The following HGSNAT variants were observed in gnomAD, a reference collection of about 807,000 sequenced individuals.
The protein encoded by HGSNAT is transmembrane protein 76.
HGSNAT carries 59 observed loss-of-function variants against 85.2 expected under a neutral mutation model. The ratio of observed to expected loss-of-function variants is 0.69; its 90% CI spans 0.56 to 0.86. The LOEUF is 0.86. Among genes scored for constraint, HGSNAT ranks in the 40% least tolerant of loss-of-function variants. The pLI, the probability that HGSNAT is intolerant of heterozygous loss-of-function variation, is 0.00. For synonymous variants in HGSNAT, 321 were observed against 304.5 expected, an observed-to-expected ratio of 1.05 and a Z score of -0.56; for missense variants, 756 against 777.1, an observed-to-expected ratio of 0.97 and a Z score of 0.32.
rs779441738 is a variant in HGSNAT, at chr8:43,178,212, T to C, written c.990T>C (p.Asn330=). Residue 330 remains asparagine (N), a synonymous_variant, in exon 10 of 18, where the codon AAT becomes AAC. Transcript: ENST00000379644. ...LLICIGIIIV[N]PNYCLGPLSW... is the part of the protein sequence containing the mutation. ...TCTGCATAGGAATTATCATTGTGAA[T>C]CCCAATTATTGCCTTGGTCCATGTA... 1.3e-6 allele frequency: 2 copies of C among 1,551,788 alleles called. No homozygotes were observed. Among genetic ancestry groups the C allele is most frequent in the East Asian group, 4.5e-5 (2 of 44,182 alleles).
At chr8:43,141,020 C>T (rs2130651780) in intron 1 of HGSNAT, among the ~76,000 whole-genome samples, 1 of 152,346 alleles carries the variant, frequency 6.6e-6, no homozygotes, top group African/African-American at 2.4e-5. Flanking sequence ...ACCCAGTCCA[C>T]TGTTCGGAGG....
chr8:43,149,745 A>G (rs1055524441), intron 2 of HGSNAT, among the ~76,000 whole-genome samples: 8 of 152,192 alleles, frequency 5.3e-5, no homozygotes, highest in South Asian at 2.1e-4. Context: ...GATGTAGATT[A>G]TAGGAGACAC....
At chr8:43,160,508 G>A (rs1315371191) in intron 4 of HGSNAT, among the ~76,000 whole-genome samples, 1 of 152,072 alleles carries the variant, frequency 6.6e-6, no homozygotes, top group Non-Finnish European at 1.5e-5. Context: ...ATAACAAAAG[G>A]CCCATTTCAA....
rs1387365931 is a variant in HGSNAT at position 43,140,503 on chromosome 8, G to A, written c.7G>A (p.Gly3Arg). The A allele has an allele frequency of 3.8e-6, 4 of 1,044,524 alleles. No individual in the cohort carries two copies. The highest frequency in any genetic ancestry group is 4.6e-6 in the Non-Finnish European group (4 of 870,414). 64.7% of individuals were successfully genotyped at this position (1,044,524 alleles called of 1,614,324 possible). The change falls in exon 1 of 18, where the codon GGG becomes AGG. Residue 3 changes from glycine to arginine, a missense_variant. Gly to Arg is a moderately radical substitution (Grantham distance 125, BLOSUM62 -2). Transcript: ENST00000379644. The part of the protein sequence containing the change: MS[G>R]AGRALAALLL... ...GGCCGAGCGGGCGGCGGGCATGAGC[G>A]GGGCGGGCAGGGCGCTGGCCGCGCT...
intron 11 of HGSNAT, among the ~76,000 whole-genome samples, chr8:43,183,270 G>A (rs770687892): frequency 1.3e-5 from 2 of 151,836 alleles, no homozygotes; most frequent in Non-Finnish European, 2.9e-5. Flanking sequence ...AGGCTCAAGC[G>A]ATTCTCCTAC....
At chr8:43,191,998 G>A (rs1197400005) in intron 12 of HGSNAT, among the ~76,000 whole-genome samples, 1 of 151,894 alleles carries the variant, frequency 6.6e-6, no homozygotes, top group Non-Finnish European at 1.5e-5. Flanking sequence ...GCATGAACTC[G>A]GCTCACTGCA....
chr8:43,195,661 AG>A (rs1804695260), intron 14 of HGSNAT, among the ~76,000 whole-genome samples: 1 of 139,298 alleles, frequency 7.2e-6, no homozygotes, highest in Admixed American at 7.2e-5. Flanking sequence ...GGGCTGGAGG[AG>A]GAGGAGGGTG....
At position 43,196,414 on chromosome 8, in the gene HGSNAT, C is replaced by T. The variant is rs147418323; in HGVS notation, c.1465-534C>T. ...CCCTGCCTCTGGTTCCACCCTGTCC[C>T]GGTCCCTCTTCCTAGTGCTGCCCAG... On this transcript the variant is annotated intron_variant, in intron 14 of 17. Transcript: ENST00000379644. 1,141 of 1,277,172 alleles carry T rather than the reference C, an allele frequency of 8.9e-4. 7 individuals carry two copies. In the African/African-American group the frequency reaches 0.015, roughly 16 times the overall value. The allele number at this position is 1,277,172 out of a possible 1,614,324, so 79.1% of individuals were successfully genotyped here.
intron 1 of HGSNAT, among the ~76,000 whole-genome samples, chr8:43,142,133 C>G (rs553586173): frequency 8.6e-5 from 13 of 152,024 alleles, no homozygotes; most frequent in African/African-American, 3.1e-4. Context: ...AACTCACGAG[C>G]AGAGAGCTAG....
chr8:43,193,775 G>C lies in HGSNAT; in HGVS notation c.1396G>C (p.Val466Leu). ...TGTTAAGGTACTTTACCACACCGAG[G>C]TGGCCTATGACCCCGAGGGCATCCT... Reference protein sequence around the residue: ...PSSAVLYHTEVAYDPEGILGT... With the variant: ...PSSAVLYHTELAYDPEGILGT... The change falls in exon 14 of 18, where the codon GTG becomes CTG. Residue 466 changes from valine (V) to leucine (L), a missense_variant. Transcript: ENST00000379644. 6.2e-7 allele frequency: 1 copy of C among 1,613,480 alleles called. No individual in the cohort carries two copies. Among genetic ancestry groups the C allele is most frequent in the South Asian group, 1.1e-5 (1 of 91,016 alleles).
At chr8:43,197,146 T>G in intron 15 of HGSNAT, 121 bp downstream of exon 15, 1 of 686,346 alleles carries the variant, frequency 1.5e-6, no homozygotes, top group Admixed American at 2.3e-5. Context: ...AGGTACCATT[T>G]TCTTCACTTG....
Position 43,166,064 on chromosome 8 carries a change from C to T in HGSNAT, c.564-3109C>T, listed in dbSNP as rs558375894. The stretch of plus-strand genomic sequence containing the variant: ...AGCCTAATCCAGAGCAAGGCCCTAG[C>T]TCTTTTCAGTTCTGTAGAGACTAAG... On this transcript the variant is annotated intron_variant, in intron 5 of 17. Transcript: ENST00000379644. Among the ~76,000 whole-genome samples, 3 of 152,358 alleles carry T rather than the reference C, an allele frequency of 2.0e-5. No individual in the cohort carries two copies. In the South Asian group the frequency reaches 6.2e-4, roughly 32 times the overall value.
In HGSNAT at chr8:43,147,061, C is replaced by T. The variant is rs1802741553; in HGVS notation, c.232C>T (p.His78Tyr). 6.4e-7 allele frequency: 1 copy of T among 1,569,670 alleles called. No homozygotes were observed. Among genetic ancestry groups the T allele is most frequent in the African/African-American group, 1.4e-5 (1 of 73,420 alleles). ...TVYWKSECCY[H>Y]CLFQVLVNVP... ...CTACTGGAAATCTGAATGCTGTTAT[C>T]ACGTATGTATCAGTTCACACTCAGT... The change falls in exon 2 of 18, where the codon CAC becomes TAC. Residue 78 changes from histidine (H) to tyrosine (Y), a missense_variant and splice_region_variant. Coordinates refer to ENST00000379644, the MANE Select transcript of HGSNAT (RefSeq NM_152419.3).
intron 1 of HGSNAT, among the ~76,000 whole-genome samples, chr8:43,141,700 G>A (rs890992406): frequency 3.9e-5 from 6 of 152,058 alleles, no homozygotes; most frequent in Middle Eastern, 3.2e-3. Flanking sequence ...GGAGAAAGGC[G>A]TTGTGAATTT....
rs558897295 is a variant in HGSNAT, at chr8:43,161,774, A to G, written c.563+267A>G. Among the ~76,000 whole-genome samples the G allele has an allele frequency of 2.0e-5, 3 of 152,322 alleles. No individual in the cohort carries two copies. In the East Asian group the frequency reaches 5.8e-4, roughly 29 times the overall value. On this transcript the variant is annotated intron_variant, in intron 5 of 17. Coordinates refer to ENST00000379644, the MANE Select transcript of HGSNAT (RefSeq NM_152419.3). ...AGAGGAAGAAAATGCTTGAGAAATC[A>G]TTATTTCCTAAAGCATCCGACTTTT...
At position 43,197,696 on chromosome 8, in the gene HGSNAT, A is replaced by C. The variant is rs73569592; in HGVS notation, c.1567A>C (p.Lys523Gln). ...ILGLISVALT[K>Q]VSENEGFIPV... ...GGGGCTCATTTCTGTTGCTCTGACG[A>C]AGGTTTCTGAAAATGAAGGCTTTAT... is the stretch of plus-strand genomic sequence containing the variant. The change falls in exon 16 of 18, where the codon AAG becomes CAG. Residue 523 changes from lysine (K) to glutamine (Q), a missense_variant. By Grantham distance (53) the Lys-to-Gln change is moderately conservative (BLOSUM62 1). Coordinates refer to ENST00000379644, the MANE Select transcript of HGSNAT (RefSeq NM_152419.3). 6.1e-3 allele frequency: 9,810 copies of C among 1,613,202 alleles called. 550 individuals are homozygous for C. The African/African-American group carries it at 0.12, about 19-fold the overall frequency.
At chr8:43,149,708 A>G (rs1802838476) in intron 2 of HGSNAT, among the ~76,000 whole-genome samples, 1 of 151,986 alleles carries the variant, frequency 6.6e-6, no homozygotes, top group Non-Finnish European at 1.5e-5. Flanking sequence ...TCAAAAAAAA[A>G]AAAAATTTTT....
intron 10 of HGSNAT, among the ~76,000 whole-genome samples, chr8:43,179,251 A>G (rs1412024611): frequency 3.8e-5 from 5 of 130,382 alleles, no homozygotes; most frequent in African/African-American, 1.5e-4. Flanking sequence ...TGACCCCCCC[A>G]CCACCCTCCC....
chr8:43,147,227 C>T (rs927161512), intron 2 of HGSNAT, among the ~76,000 whole-genome samples, 164 bp downstream of exon 2: 1 of 152,156 alleles, frequency 6.6e-6, no homozygotes, highest in Non-Finnish European at 1.5e-5. Context: ...GGGGAGGATG[C>T]CTAGGAATGC....
Sources: gnomAD v4.1 joint callset for allele counts (sites outside exome capture counted in the v4.1 genomes callset) on GRCh38, gnomAD v4.1.1 for gene constraint, MANE v1.5 for transcripts, NCBI Gene and HGNC (gene_info 2026-07-23, HGNC 2026-07-21) for gene names.